Variants in SPINT1 observed in about 807,000 individuals in gnomAD.
SPINT1 encodes serine peptidase inhibitor, Kunitz type 1.
In SPINT1, 38 loss-of-function variants were observed where a neutral mutation model predicts 53.7. The observed-to-expected ratio is 0.71, with a 90% CI of 0.55 to 0.93. The LOEUF (loss-of-function observed/expected upper bound fraction) is 0.93. SPINT1 is among the 40% of genes least tolerant of loss of function. SPINT1 has a pLI of 0.00. For synonymous variants in SPINT1, 283 were observed against 280.6 expected (o/e 1.01, Z -0.08); for missense variants, 645 against 692.9 (o/e 0.93, Z 0.78).
Position 40,857,660 on chromosome 15 carries a change from C to G in SPINT1, c.*685C>G, listed in dbSNP as rs1357422880. 1 of 152,344 alleles carries G rather than the reference C, an allele frequency of 6.6e-6. No individual in the cohort carries two copies. Among genetic ancestry groups the G allele is most frequent in the Non-Finnish European group, 1.5e-5 (1 of 68,154 alleles). 9.4% of individuals were successfully genotyped at this position (152,344 alleles called of 1,614,324 possible). On this transcript the variant is annotated 3_prime_UTR_variant, in exon 11 of 11. Coordinates refer to ENST00000562057, the MANE Select transcript of SPINT1 (RefSeq NM_003710.4). Reference sequence around the variant, plus strand: ...GTAATAAAAGTGGTTTGTGGAGTTTCTGGCTCTGTTCTGTGGGCCAGGAGA... The same window carrying G: ...GTAATAAAAGTGGTTTGTGGAGTTTGTGGCTCTGTTCTGTGGGCCAGGAGA...
chr15:40,857,116 T>G lies in SPINT1; in HGVS notation c.*141T>G, dbSNP rs1891671455. ...CAGAGACCAGGGCTCCAGCCCCTCT[T>G]GGAGAAGTCTCAGCTAAGCTCACGT... On this transcript the variant is annotated 3_prime_UTR_variant, in exon 11 of 11. Transcript: ENST00000562057. The G allele has an allele frequency of 8.8e-7, 1 of 1,136,284 alleles. No homozygotes were observed. Among genetic ancestry groups the G allele is most frequent in the African/African-American group, 1.6e-5 (1 of 63,856 alleles). 70.4% of individuals were successfully genotyped at this position (1,136,284 alleles called of 1,614,324 possible).
chr15:40,855,710 G>A, intron 8 of SPINT1, 182 bp from the exon 9 acceptor site: 1 of 576,664 alleles, frequency 1.7e-6, no homozygotes. Flanking sequence ...TACAGTTATT[G>A]TCCAGGGTTT....
intron 2 of SPINT1, among the ~76,000 whole-genome samples, chr15:40,845,522 C>T (rs1312483403): frequency 2.0e-5 from 3 of 152,024 alleles, no homozygotes; most frequent in Non-Finnish European, 4.4e-5. Flanking sequence ...ACAGATGTCA[C>T]AGCCAGATCG....
intron 8 of SPINT1, among the ~76,000 whole-genome samples, chr15:40,855,589 TA>T (rs1159450407): frequency 6.6e-6 from 1 of 151,804 alleles, no homozygotes; most frequent in Admixed American, 6.6e-5. Flanking sequence ...ACACTGTCTT[TA>T]AAAAAAAGAG....
At chr15:40,845,243 C>G (rs1003120217) in intron 2 of SPINT1, among the ~76,000 whole-genome samples, 7 of 151,030 alleles carry the variant, frequency 4.6e-5, no homozygotes, top group African/African-American at 1.7e-4. Flanking sequence ...CCTCCGTCTT[C>G]CACGTTCAAG....
Position 40,844,252 on chromosome 15 carries a change from T to G in SPINT1, c.-66+66T>G. ...AGCGGGCTGGAGCATGTCCGGCCCT[T>G]TGTTCTGCGCTCGTGCGTGTGTCCG... On this transcript the variant is annotated intron_variant, in intron 1 of 10. Transcript: ENST00000562057. The surrounding 1 kb of genome is among the most constrained non-coding windows in gnomAD (Gnocchi z 5.8). 6.2e-6 allele frequency: 3 copies of G among 485,796 alleles called. No homozygotes were observed. Among genetic ancestry groups the G allele is most frequent in the Non-Finnish European group, 7.5e-6 (2 of 267,768 alleles). The allele number at this position is 485,796 out of a possible 1,614,324, so 30.1% of individuals were successfully genotyped here.
Position 40,857,082 on chromosome 15 carries a change from A to G in SPINT1, c.*107A>G. Reference sequence around the variant, plus strand: ...AGACTCTTGCCTGTTTCCCAGGCCCACTGTGCCTCAGAGACCAGGGCTCCA... The same window carrying G: ...AGACTCTTGCCTGTTTCCCAGGCCCGCTGTGCCTCAGAGACCAGGGCTCCA... On this transcript the variant is annotated 3_prime_UTR_variant, in exon 11 of 11. Coordinates refer to ENST00000562057, the MANE Select transcript of SPINT1 (RefSeq NM_003710.4). The G allele has an allele frequency of 7.0e-7, 1 of 1,424,846 alleles. No homozygotes were observed. The highest frequency in any genetic ancestry group is 9.5e-7 in the Non-Finnish European group (1 of 1,051,588). The allele number at this position is 1,424,846 out of a possible 1,614,324, so 88.3% of individuals were successfully genotyped here. A position where few individuals can be genotyped will look rare whatever the true frequency, so the allele number is the denominator to read the frequency against.
At position 40,857,005 on chromosome 15, in the gene SPINT1, C is replaced by G. The variant is rs757608091; in HGVS notation, c.*30C>G. 5.6e-5 allele frequency: 90 copies of G among 1,608,416 alleles called. 1 individual carries two copies. The South Asian group carries it at 8.3e-4, about 15-fold the overall frequency. ...GGGTCTCACCGGCTCTCACCTGGCC[C>G]TGCTTCCTGCTTGCCAAGGCAGAGG... On this transcript the variant is annotated 3_prime_UTR_variant, in exon 11 of 11. Coordinates refer to ENST00000562057, the MANE Select transcript of SPINT1 (RefSeq NM_003710.4).
chr15:40,854,726 C>T (rs375441760), intron 8 of SPINT1, 37 bp downstream of exon 8: 164 of 1,610,036 alleles, frequency 1.0e-4, no homozygotes, highest in South Asian at 3.0e-4. Context: ...TCAGGGCAGA[C>T]GCTGACACTG....
chr15:40,850,200 G>A (rs922487368), intron 2 of SPINT1, among the ~76,000 whole-genome samples: 2 of 152,116 alleles, frequency 1.3e-5, no homozygotes, highest in Non-Finnish European at 2.9e-5. Flanking sequence ...AGCCTCCCGA[G>A]CAGCTGGGAT....
chr15:40,850,611 C>A lies in SPINT1; in HGVS notation c.476-2513C>A, dbSNP rs896863485. On this transcript the variant is annotated intron_variant, in intron 2 of 10. Coordinates refer to ENST00000562057, the MANE Select transcript of SPINT1 (RefSeq NM_003710.4). ...TTAACCTATATGTTCCCTCTAAATC[C>A]GGTTTCCCTTCTGCCTGTACCCTGG... is the stretch of plus-strand genomic sequence containing the variant. 3.9e-5 allele frequency among the ~76,000 whole-genome samples: 6 copies of A among 152,196 alleles called. No homozygotes were observed. In the East Asian group the frequency reaches 1.2e-3, roughly 29 times the overall value.
chr15:40,854,756 C>G (rs1252226384), intron 8 of SPINT1, 67 bp downstream of exon 8: 2 of 1,597,036 alleles, frequency 1.3e-6, no homozygotes, highest in Admixed American at 1.7e-5. Context: ...CTATTTCCAT[C>G]CAGCAGTGCC....
rs746559628 is a variant in SPINT1, at chr15:40,856,927, C to T, written c.1494C>T (p.Thr498=). ...CTGCCAGCTCCACTGTCTCCACTACCGAGGACACGGAGCACCTGGTCTATA... is the reference window on the plus strand; with the variant it reads ...CTGCCAGCTCCACTGTCTCCACTACTGAGGACACGGAGCACCTGGTCTATA... ...PTPASSTVST[T]EDTEHLVYNH... Residue 498 remains threonine (T), a synonymous_variant, in exon 11 of 11, where the codon ACC becomes ACT. Transcript: ENST00000562057. 9.3e-6 allele frequency: 15 copies of T among 1,614,016 alleles called. No homozygotes were observed. Among genetic ancestry groups the T allele is most frequent in the Middle Eastern group, 1.6e-4 (1 of 6,062 alleles).
In SPINT1 at chr15:40,844,553, C is replaced by G. The variant is rs1476153952; in HGVS notation, c.-2C>G. 1.9e-6 allele frequency: 3 copies of G among 1,610,520 alleles called. No homozygotes were observed. The highest frequency in any genetic ancestry group is 2.2e-5 in the South Asian group (2 of 91,038). On this transcript the variant is annotated 5_prime_UTR_variant, in exon 2 of 11. Transcript: ENST00000562057. This position sits in a 1 kb window ranked among gnomAD's most constrained non-coding sequence, Gnocchi z 5.8. ...AAGGTGACCCCCCTGGGGAGGAAGGCGATGGCCCCTGCGAGGACGATGGCC... is the reference window on the plus strand; with the variant it reads ...AAGGTGACCCCCCTGGGGAGGAAGGGGATGGCCCCTGCGAGGACGATGGCC...
intron 3 of SPINT1, 74 bp from the exon 4 acceptor site, chr15:40,853,415 T>G: frequency 6.2e-7 from 1 of 1,611,438 alleles, no homozygotes; most frequent in Non-Finnish European, 8.5e-7. Flanking sequence ...GGTGTGGGTG[T>G]GTGTCTGGCC....
rs2141999534 is a variant in SPINT1, at chr15:40,844,307, T to G, written c.-66+121T>G. ...CTTGAGCTCCCTAGCGGTCCGCCTG[T>G]CCGTCTGTCTGGCTGCCGGGTCCCT... is the stretch of plus-strand genomic sequence containing the variant. On this transcript the variant is annotated intron_variant, in intron 1 of 10. Coordinates refer to ENST00000562057, the MANE Select transcript of SPINT1 (RefSeq NM_003710.4). The surrounding 1 kb of genome is among the most constrained non-coding windows in gnomAD (Gnocchi z 5.8). 1.7e-6 allele frequency: 1 copy of G among 586,796 alleles called. No homozygotes were observed. The highest frequency in any genetic ancestry group is 1.9e-5 in the South Asian group (1 of 51,628). 36.3% of individuals were successfully genotyped at this position (586,796 alleles called of 1,614,324 possible). A position where few individuals can be genotyped will look rare whatever the true frequency, so the allele number is the denominator to read the frequency against.
At chr15:40,856,431 G>A in intron 10 of SPINT1, 108 bp downstream of exon 10, 3 of 1,394,322 alleles carry the variant, frequency 2.2e-6, no homozygotes, top group South Asian at 1.2e-5. Flanking sequence ...ATGCCAAGGT[G>A]GCCTATAGAG....
Position 40,854,100 on chromosome 15 carries a change from C to T in SPINT1, c.940+14C>T, listed in dbSNP as rs776986895. The T allele has an allele frequency of 1.3e-6, 2 of 1,533,096 alleles. No homozygotes were observed. The highest frequency in any genetic ancestry group is 1.3e-5 in the South Asian group (1 of 77,100). 95.0% of individuals were successfully genotyped at this position (1,533,096 alleles called of 1,614,324 possible). A position where few individuals can be genotyped will look rare whatever the true frequency, so the allele number is the denominator to read the frequency against. ...GGCGCCATCCAGGTGGGCTTTACTC[C>T]CCTCCCCATCCCCCATCCCCACCAC... is the stretch of plus-strand genomic sequence containing the variant. On this transcript the variant is annotated intron_variant, in intron 6 of 10. Transcript: ENST00000562057.
intron 2 of SPINT1, among the ~76,000 whole-genome samples, chr15:40,849,893 C>T (rs1168459126): frequency 3.9e-5 from 6 of 152,188 alleles, no homozygotes; most frequent in Non-Finnish European, 7.3e-5. Flanking sequence ...AATTATTAGG[C>T]TTTGTGGGCC....
Sources: allele counts gnomAD v4.1 joint callset (sites outside exome capture counted in the v4.1 genomes callset), GRCh38; gene constraint gnomAD v4.1.1; non-coding constraint Gnocchi (gnomAD v3.1); transcripts MANE v1.5; gene names NCBI Gene and HGNC (gene_info 2026-07-23, HGNC 2026-07-21).